Variants in JAK1 observed in about 807,000 individuals in gnomAD.
JAK1 encodes the protein Janus kinase 1.
In JAK1, 16 loss-of-function variants were observed where a neutral mutation model predicts 136.6. That is an observed-to-expected ratio of 0.12 (90% CI 0.08 to 0.18). JAK1 has a LOEUF of 0.18. Among genes scored for constraint, JAK1 ranks in the 10% least tolerant of loss-of-function variants. The pLI is 1.00. For missense variants in JAK1, 859 were observed against 1,450.1 expected (o/e 0.59, Z 6.62); for synonymous variants, 492 against 519.5 (o/e 0.95, Z 0.72).
chr1:64,866,769 G>C, intron 7 of JAK1, 97 bp downstream of exon 7: 1 of 846,174 alleles, frequency 1.2e-6, no homozygotes, highest in South Asian at 1.7e-5. Flanking sequence ...GCCTATGGGA[G>C]TGATGGACAT....
At chr1:64,899,700 C>T (rs190600236) in intron 1 of JAK1, among the ~76,000 whole-genome samples, 87 of 152,292 alleles carry the variant, frequency 5.7e-4, no homozygotes, top group Non-Finnish European at 9.1e-4. Context: ...TCCCAAAAAT[C>T]TGAAATCTGA....
At chr1:64,853,159 T>C (rs1270352482) in intron 11 of JAK1, among the ~76,000 whole-genome samples, 1 of 152,186 alleles carries the variant, frequency 6.6e-6, no homozygotes, top group Admixed American at 6.5e-5. Flanking sequence ...AATATTCTCA[T>C]GTCTAATTTT....
At chr1:64,927,522 A>G (rs939900555) in intron 1 of JAK1, among the ~76,000 whole-genome samples, 4 of 152,214 alleles carry the variant, frequency 2.6e-5, no homozygotes, top group Non-Finnish European at 5.9e-5. Context: ...CTTCAAACCC[A>G]GATTTGACTC....
At chr1:64,877,003 T>A (rs1256069804) in intron 4 of JAK1, among the ~76,000 whole-genome samples, 1 of 152,182 alleles carries the variant, frequency 6.6e-6, no homozygotes, top group East Asian at 1.9e-4. Context: ...AAGAAAATAT[T>A]TTTTGAAAAG....
intron 1 of JAK1, among the ~76,000 whole-genome samples, chr1:64,892,893 T>C (rs1299808445): frequency 6.6e-6 from 1 of 152,136 alleles, no homozygotes; most frequent in East Asian, 1.9e-4. Context: ...GTAACACAAA[T>C]ACATCTGAGC....
At chr1:64,890,788 G>T (rs1644923978) in intron 1 of JAK1, among the ~76,000 whole-genome samples, 1 of 152,122 alleles carries the variant, frequency 6.6e-6, no homozygotes, top group African/African-American at 2.4e-5. Flanking sequence ...GTCTAAATAG[G>T]GATTCTGAGC....
intron 1 of JAK1, among the ~76,000 whole-genome samples, chr1:65,052,770 C>T (rs1475353163): frequency 4.0e-5 from 6 of 149,708 alleles, no homozygotes; most frequent in Non-Finnish European, 7.4e-5. Context: ...GCTGAGATCG[C>T]GCCACTGCAC....
chr1:64,969,462 A>G (rs78259470), upstream of JAK1, among the ~76,000 whole-genome samples: 7,263 of 148,034 alleles, frequency 0.049, 281 homozygotes, highest in South Asian at 0.094. Flanking sequence ...AAATGTCTTC[A>G]GACGTTGCCA....
At chr1:64,933,521 CA>C (rs1421700293) in intron 1 of JAK1, among the ~76,000 whole-genome samples, 4 of 152,212 alleles carry the variant, frequency 2.6e-5, no homozygotes, top group Non-Finnish European at 4.4e-5. Context: ...CATGTTTTCA[CA>C]ATGCCCCAAT....
intron 1 of JAK1, among the ~76,000 whole-genome samples, chr1:64,917,538 C>T (rs537379336): frequency 6.6e-6 from 1 of 152,244 alleles, no homozygotes; most frequent in African/African-American, 2.4e-5. Flanking sequence ...TTGAGGGATA[C>T]TTATGTTGAG....
chr1:64,971,756 G>C (rs1557736667), intron 2 of JAK1, among the ~76,000 whole-genome samples: 1 of 151,998 alleles, frequency 6.6e-6, no homozygotes, highest in Non-Finnish European at 1.5e-5. Flanking sequence ...ACAGGGTTTC[G>C]CTATGTTGGC....
chr1:64,916,644 C>T (rs1645400688), intron 1 of JAK1, among the ~76,000 whole-genome samples: 1 of 151,890 alleles, frequency 6.6e-6, no homozygotes, highest in Admixed American at 6.6e-5. Flanking sequence ...TCAAGATCAC[C>T]CTGACCAACA....
intron 1 of JAK1, among the ~76,000 whole-genome samples, chr1:65,047,803 G>C (rs1290783318): frequency 6.6e-6 from 1 of 152,030 alleles, no homozygotes; most frequent in African/African-American, 2.4e-5. Flanking sequence ...GTATACTGAA[G>C]TACGTTAGTG....
At chr1:65,053,030 CAA>C (rs780968006) in intron 1 of JAK1, among the ~76,000 whole-genome samples, 23 of 43,704 alleles carry the variant, frequency 5.3e-4, no homozygotes, top group East Asian at 4.1e-3. Flanking sequence ...ACTCTTGTCT[CAA>C]AAAAAAAAAA....
At chr1:65,020,076 T>G (rs900253478) in intron 2 of JAK1, among the ~76,000 whole-genome samples, 6 of 150,966 alleles carry the variant, frequency 4.0e-5, no homozygotes, top group African/African-American at 1.2e-4. Flanking sequence ...AAGTATAAAA[T>G]TAGCCAGGTG....
chr1:65,008,175 C>G (rs1267184510), intron 2 of JAK1, among the ~76,000 whole-genome samples: 1 of 152,134 alleles, frequency 6.6e-6, no homozygotes, highest in Non-Finnish European at 1.5e-5. Context: ...ATGGGATGGA[C>G]AGACCACCCA....
Position 64,966,465 on chromosome 1 carries a change from G to A in JAK1, c.-210C>T, listed in dbSNP as rs1646381735. ...CCCAGGGCTGAGGAGGGGTCGCGGC[G>A]AGGACAGCCGGGACTGGGCGCAGGC... is the stretch of plus-strand genomic sequence containing the variant. On this transcript the variant is annotated 5_prime_UTR_variant, in exon 1 of 25. Transcript: ENST00000342505. 1 of 150,958 alleles carries A rather than the reference G, an allele frequency of 6.6e-6. No homozygotes were observed. The highest frequency in any genetic ancestry group is 6.6e-5 in the Admixed American group (1 of 15,156). 9.4% of individuals were successfully genotyped at this position (150,958 alleles called of 1,614,324 possible).
At chr1:65,015,506 A>T (rs1646885428) in intron 2 of JAK1, among the ~76,000 whole-genome samples, 1 of 152,188 alleles carries the variant, frequency 6.6e-6, no homozygotes, top group African/African-American at 2.4e-5. Flanking sequence ...AAGAAGAGAA[A>T]AAGAAGTATA....
Position 64,896,693 on chromosome 1 carries a change from G to A in JAK1, c.-77-10352C>T, listed in dbSNP as rs1208579824. ...GAAGAATTAGCAACCCAAGCACATA[G>A]CAAGGTAATAATACATGACTGATTG... On this transcript the variant is annotated intron_variant, in intron 1 of 24. Coordinates refer to ENST00000342505, the MANE Select transcript of JAK1 (RefSeq NM_002227.4). Among the ~76,000 whole-genome samples, 5 of 152,166 alleles carry A rather than the reference G, an allele frequency of 3.3e-5. No individual in the cohort carries two copies. The East Asian group carries it at 9.6e-4, about 29-fold the overall frequency.
Sources: allele counts gnomAD v4.1 joint callset (sites outside exome capture counted in the v4.1 genomes callset), GRCh38; gene constraint gnomAD v4.1.1; transcripts MANE v1.5; gene names NCBI Gene and HGNC (gene_info 2026-07-23, HGNC 2026-07-21).